Variants in EFCAB13 observed in about 807,000 individuals in gnomAD.
EFCAB13 encodes EF-hand calcium-binding domain-containing protein 13.
A neutral mutation model predicts 110.2 loss-of-function variants in EFCAB13; 91 were observed. That is an observed-to-expected ratio of 0.83 (90% CI 0.70 to 0.98). The LOEUF (loss-of-function observed/expected upper bound fraction) is 0.98. Ranked by LOEUF, EFCAB13 falls within the 50% of genes least tolerant of loss-of-function variation. The probability of loss-of-function intolerance (pLI) is 0.00; values close to 1 mark genes in which losing one functional copy is unlikely to be tolerated. For missense variants in EFCAB13, 968 were observed against 1,119.4 expected (o/e 0.86, Z 1.93); for synonymous variants, 323 against 369.9 (o/e 0.87, Z 1.45).
At chr17:47,385,700 G>T (rs1480289827) in intron 14 of EFCAB13, among the ~76,000 whole-genome samples, 1 of 152,074 alleles carries the variant, frequency 6.6e-6, no homozygotes, top group African/African-American at 2.4e-5. Context: ...GAGAGGAGTT[G>T]CAATCATTTG....
chr17:47,361,292 TC>T, intron 9 of EFCAB13, 85 bp from the exon 10 acceptor site: 2 of 1,249,642 alleles, frequency 1.6e-6, no homozygotes, highest in South Asian at 2.7e-5. Flanking sequence ...AAAGTTATTT[TC>T]CCTTAGTAGG....
At position 47,341,939 on chromosome 17, in the gene EFCAB13, C is replaced by G. The variant is rs138179179; in HGVS notation, c.210C>G (p.Ile70Met). ...EYKKIFETSI[I>M]FCGEEKSSDF... ...CATTTAGATTTGAAACATCAATAAT[C>G]TTTTGTGGAGAAGAAAAGTCCTCTG... The change falls in exon 6 of 25, where the codon ATC (isoleucine) becomes ATG (methionine). Residue 70 changes from isoleucine (I) to methionine (M), a missense_variant. Coordinates refer to ENST00000331493, the MANE Select transcript of EFCAB13 (RefSeq NM_152347.5). 3.7e-4 allele frequency: 575 copies of G among 1,574,048 alleles called. No homozygotes were observed. The highest frequency in any genetic ancestry group is 4.8e-4 in the Non-Finnish European group (553 of 1,157,862).
At chr17:47,429,706 A>G in intron 23 of EFCAB13, 112 bp from the exon 24 acceptor site, 1 of 1,329,456 alleles carries the variant, frequency 7.5e-7, no homozygotes, top group Non-Finnish European at 1.0e-6. Context: ...TCCATGTACA[A>G]TTCTAGAATC....
intron 23 of EFCAB13, among the ~76,000 whole-genome samples, chr17:47,417,905 G>A (rs1389707433): frequency 1.3e-5 from 2 of 152,116 alleles, no homozygotes; most frequent in Non-Finnish European, 2.9e-5. Context: ...TGTGTAATGG[G>A]CCTTTAAAGG....
At chr17:47,391,665 A>AT (rs146911542) in intron 15 of EFCAB13, 85 bp downstream of exon 15, 1 of 1,221,884 alleles carries the variant, frequency 8.2e-7, no homozygotes, top group Non-Finnish European at 1.1e-6. Flanking sequence ...AAAATGACTA[A>AT]TTTTTTTATT....
chr17:47,387,948 G>A (rs930748874), intron 14 of EFCAB13, among the ~76,000 whole-genome samples: 1 of 152,186 alleles, frequency 6.6e-6, no homozygotes, highest in Non-Finnish European at 1.5e-5. Flanking sequence ...TGTCTCAAAT[G>A]GGGAGGTCTC....
At chr17:47,384,323 T>C (rs547284770) in intron 14 of EFCAB13, among the ~76,000 whole-genome samples, 1 of 152,250 alleles carries the variant, frequency 6.6e-6, no homozygotes, top group South Asian at 2.1e-4. Flanking sequence ...AAGGTTAATA[T>C]TGTTCTATGT....
At position 47,412,923 on chromosome 17, in the gene EFCAB13, AT is replaced by A. The variant is rs1409851449; in HGVS notation, c.2422+14del. ...AACTGTTGTAACGTCAGTGGTGAGC[AT>A]TTTTTTGGCCTGAGATTCTTTTCAT... On this transcript the variant is annotated splice_region_variant and intron_variant, in intron 22 of 24. Transcript: ENST00000331493. The A allele has an allele frequency of 5.6e-6, 9 of 1,599,958 alleles. No individual in the cohort carries two copies. Among genetic ancestry groups the A allele is most frequent in the Middle Eastern group, 1.7e-4 (1 of 6,010 alleles).
At chr17:47,345,166 C>A in intron 8 of EFCAB13, 68 bp downstream of exon 8, 1 of 1,099,140 alleles carries the variant, frequency 9.1e-7, no homozygotes, top group Non-Finnish European at 1.3e-6. Flanking sequence ...ATTGTTTCAG[C>A]AGTTAGTGCC....
At position 47,391,932 on chromosome 17, in the gene EFCAB13, C is replaced by A. The variant is rs150905201; in HGVS notation, c.1726+352C>A. On this transcript the variant is annotated intron_variant, in intron 15 of 24. Transcript: ENST00000331493. ...CAGGACAAAAGGCATTAAATTGGGG[C>A]AAATAGGGATTCATTATTATGTCAA... Among the ~76,000 whole-genome samples the A allele has an allele frequency of 3.0e-3, 458 of 151,952 alleles. 3 individuals carry two copies. The highest frequency in any genetic ancestry group is 0.011 in the African/African-American group (438 of 41,412).
At chr17:47,325,937 T>TATATAC in intron 2 of EFCAB13, among the ~76,000 whole-genome samples, 2 of 49,100 alleles carry the variant, frequency 4.1e-5, no homozygotes, top group South Asian at 1.2e-3. Flanking sequence ...TATATATATA[T>TATATAC]ATATATATAT....
intron 23 of EFCAB13, among the ~76,000 whole-genome samples, chr17:47,420,896 G>A (rs1427461444): frequency 9.5e-5 from 12 of 126,402 alleles, no homozygotes; most frequent in South Asian, 2.7e-4. Context: ...CAGCCGCCCC[G>A]TCTGGGAGGT....
chr17:47,376,070 C>G (rs1240128635), intron 12 of EFCAB13, among the ~76,000 whole-genome samples: 1 of 152,130 alleles, frequency 6.6e-6, no homozygotes, highest in Admixed American at 6.5e-5. Context: ...GCTGAAGTTA[C>G]TTAAGTCATA....
chr17:47,335,126 A>G, intron 4 of EFCAB13, 70 bp from the exon 5 acceptor site: 1 of 1,415,564 alleles, frequency 7.1e-7, no homozygotes, highest in Non-Finnish European at 9.4e-7. Context: ...TGAATGATTG[A>G]CCCAGAATGT....
intron 9 of EFCAB13, among the ~76,000 whole-genome samples, chr17:47,352,530 A>C (rs1014856384): frequency 6.6e-6 from 1 of 152,076 alleles, no homozygotes; most frequent in African/African-American, 2.4e-5. Context: ...TGATGTCTCC[A>C]GCTTTGTTCT....
chr17:47,328,200 G>A (rs1347314274), intron 3 of EFCAB13, 69 bp from the exon 4 acceptor site: 2 of 734,114 alleles, frequency 2.7e-6, no homozygotes, highest in African/African-American at 1.8e-5. Flanking sequence ...GATAACTTCA[G>A]GTAGGTAAAT....
At chr17:47,417,009 A>G (rs1904473864) in intron 23 of EFCAB13, among the ~76,000 whole-genome samples, 1 of 152,226 alleles carries the variant, frequency 6.6e-6, no homozygotes, top group South Asian at 2.1e-4. Context: ...CTTCATTACT[A>G]ATAGTCTACT....
At chr17:47,388,170 A>G (rs1314188048) in intron 14 of EFCAB13, among the ~76,000 whole-genome samples, 5 of 152,196 alleles carry the variant, frequency 3.3e-5, no homozygotes, top group South Asian at 2.1e-4. Flanking sequence ...TTTATTGCCT[A>G]TAGGCACTCA....
intron 3 of EFCAB13, 99 bp downstream of exon 3, chr17:47,326,486 T>C (rs2065286918): frequency 6.6e-6 from 1 of 152,200 alleles, no homozygotes; most frequent in Non-Finnish European, 1.5e-5. Flanking sequence ...ACTCTTTCCT[T>C]CATTATATAT....
Sources: allele counts gnomAD v4.1 joint callset (sites outside exome capture counted in the v4.1 genomes callset), GRCh38; gene constraint gnomAD v4.1.1; transcripts MANE v1.5; gene names NCBI Gene and HGNC (gene_info 2026-07-23, HGNC 2026-07-21).